CRADD: variants seen among roughly 807,000 people sequenced by gnomAD.
CRADD encodes the protein death domain-containing protein CRADD.
In CRADD, 9 loss-of-function variants were observed where a neutral mutation model predicts 15.5. That is an observed-to-expected ratio of 0.58 (90% CI 0.35 to 1.01). The LOEUF is 1.01. Among genes scored for constraint, CRADD ranks in the 50% least tolerant of loss-of-function variants. The pLI, the probability that CRADD is intolerant of heterozygous loss-of-function variation, is 0.02. For missense variants in CRADD, 227 were observed against 250.3 expected (o/e 0.91, Z 0.63); for synonymous variants, 118 against 107.6 (o/e 1.10, Z -0.60).
chr12:93,850,453 C>T lies in CRADD; in HGVS notation c.*182C>T. On this transcript the variant is annotated 3_prime_UTR_variant, in exon 3 of 3. Coordinates refer to ENST00000332896, the MANE Select transcript of CRADD (RefSeq NM_003805.5). This position sits in a 1 kb window ranked among gnomAD's most constrained non-coding sequence, Gnocchi z 4.0. ...TGAAAGGCCAGATTACTCAGCAGAT[C>T]TCCCATGTTGGCTCAACAATTCTTT... The T allele has an allele frequency of 7.4e-7, 1 of 1,346,010 alleles. No homozygotes were observed. The highest frequency in any genetic ancestry group is 9.5e-7 in the Non-Finnish European group (1 of 1,056,150). 83.4% of individuals were successfully genotyped at this position (1,346,010 alleles called of 1,614,324 possible).
chr12:93,800,526 A>C (rs1304918922), intron 2 of CRADD, among the ~76,000 whole-genome samples: 1 of 152,094 alleles, frequency 6.6e-6, no homozygotes, highest in Non-Finnish European at 1.5e-5. Context: ...TGTTCTTGTG[A>C]TAATGAGTGA....
intron 2 of CRADD, among the ~76,000 whole-genome samples, chr12:93,845,015 T>A (rs1379546144): frequency 6.6e-6 from 1 of 151,692 alleles, no homozygotes; most frequent in African/African-American, 2.4e-5. Context: ...CTTGGCAGAG[T>A]TAGGAAGGCA....
intron 2 of CRADD, among the ~76,000 whole-genome samples, chr12:93,725,865 C>T (rs549692540): frequency 1.3e-5 from 2 of 152,232 alleles, no homozygotes; most frequent in South Asian, 4.2e-4. Flanking sequence ...TCAAAACTCC[C>T]TGCCTGTAAT....
chr12:93,801,106 C>G (rs1221013832), intron 2 of CRADD, among the ~76,000 whole-genome samples: 1 of 152,168 alleles, frequency 6.6e-6, no homozygotes, highest in Non-Finnish European at 1.5e-5. Context: ...CATACCACAT[C>G]AGGAGGTACA....
intron 2 of CRADD, among the ~76,000 whole-genome samples, chr12:93,890,761 TTC>T (rs1265977058): frequency 2.2e-3 from 289 of 132,042 alleles, no homozygotes; most frequent in Non-Finnish European, 3.5e-3. Context: ...TTTTCTTTCT[TTC>T]TTTTTTTTTT....
At chr12:93,805,869 G>T (rs1213823830) in intron 2 of CRADD, among the ~76,000 whole-genome samples, 1 of 152,056 alleles carries the variant, frequency 6.6e-6, no homozygotes, top group Non-Finnish European at 1.5e-5. Flanking sequence ...ATCATAATGC[G>T]GCATAGAGCT....
chr12:93,816,684 C>T (rs531124444), intron 2 of CRADD, among the ~76,000 whole-genome samples: 4 of 152,264 alleles, frequency 2.6e-5, no homozygotes, highest in African/African-American at 7.2e-5. Context: ...TTGGGTAGTG[C>T]GGCTCTAGTG....
rs1348791548 is a variant in CRADD, at chr12:93,835,285, T to G, written c.299-14685T>G. Among the ~76,000 whole-genome samples, 2 of 152,234 alleles carry G rather than the reference T, an allele frequency of 1.3e-5. 1 individual carries two copies. The highest frequency in any genetic ancestry group is 2.9e-5 in the Non-Finnish European group (2 of 68,050). ...TTAGAATTTTGGAGGAATTGTTTCTTTATCTTTTGCATTTAAAATACTTTT... is the reference window on the plus strand; with the variant it reads ...TTAGAATTTTGGAGGAATTGTTTCTGTATCTTTTGCATTTAAAATACTTTT... On this transcript the variant is annotated intron_variant, in intron 2 of 2. Coordinates refer to ENST00000332896, the MANE Select transcript of CRADD (RefSeq NM_003805.5).
chr12:93,682,848 A>T (rs1196194024), intron 2 of CRADD, among the ~76,000 whole-genome samples: 1 of 152,122 alleles, frequency 6.6e-6, no homozygotes, highest in Non-Finnish European at 1.5e-5. Flanking sequence ...AAAGTTGTTA[A>T]TGGATCATTG....
At chr12:93,758,676 T>C (rs961266453) in intron 2 of CRADD, among the ~76,000 whole-genome samples, 4 of 152,120 alleles carry the variant, frequency 2.6e-5, no homozygotes, top group African/African-American at 7.2e-5. Flanking sequence ...TGTTATTCAA[T>C]TGGTAAGGCA....
At chr12:93,679,532 G>C (rs1037159315) in intron 2 of CRADD, among the ~76,000 whole-genome samples, 6 of 152,188 alleles carry the variant, frequency 3.9e-5, no homozygotes, top group Non-Finnish European at 5.9e-5. Context: ...GGACTGAAGG[G>C]ACATGACGTT....
intron 2 of CRADD, among the ~76,000 whole-genome samples, chr12:93,892,511 C>T (rs1958583142): frequency 6.6e-6 from 1 of 151,990 alleles, no homozygotes; most frequent in Non-Finnish European, 1.5e-5. Flanking sequence ...GTCTGCCTGC[C>T]TTTTCTGACC....
intron 2 of CRADD, among the ~76,000 whole-genome samples, chr12:93,689,595 C>T (rs968928746): frequency 6.6e-6 from 1 of 152,184 alleles, no homozygotes; most frequent in African/African-American, 2.4e-5. Context: ...TTAACTCCTT[C>T]TAAGAAGTGC....
intron 2 of CRADD, among the ~76,000 whole-genome samples, chr12:93,783,236 ATTAT>A (rs1186395812): frequency 8.3e-6 from 1 of 120,774 alleles, no homozygotes; most frequent in Non-Finnish European, 1.6e-5. Context: ...AGGTATTATT[ATTAT>A]TATTATTATT....
intron 2 of CRADD, among the ~76,000 whole-genome samples, chr12:93,865,219 C>T (rs931459039): frequency 1.3e-5 from 2 of 152,026 alleles, no homozygotes; most frequent in African/African-American, 4.8e-5. Flanking sequence ...AGGGTGATGC[C>T]CCATGTATCA....
chr12:93,830,905 C>T (rs1318579859), intron 2 of CRADD, among the ~76,000 whole-genome samples: 3 of 152,182 alleles, frequency 2.0e-5, no homozygotes, highest in East Asian at 1.9e-4. Flanking sequence ...ATTTCTGTAT[C>T]GTTAGCACCT....
chr12:93,814,834 A>G (rs1175267647), intron 2 of CRADD, among the ~76,000 whole-genome samples: 1 of 152,248 alleles, frequency 6.6e-6, no homozygotes, highest in Non-Finnish European at 1.5e-5. Flanking sequence ...TGTGAAACCT[A>G]TGTGATCATG....
chr12:93,720,326 A>C (rs1344548699), intron 2 of CRADD, among the ~76,000 whole-genome samples: 1 of 152,132 alleles, frequency 6.6e-6, no homozygotes, highest in Admixed American at 6.5e-5. Context: ...AATTTATTAG[A>C]GTGTGTTTTA....
chr12:93,891,916 T>C (rs1295397289), intron 2 of CRADD, among the ~76,000 whole-genome samples: 1 of 152,212 alleles, frequency 6.6e-6, no homozygotes, highest in Non-Finnish European at 1.5e-5. Flanking sequence ...CCCACTACTG[T>C]AATTACCAGT....
Sources: gnomAD v4.1 joint callset for allele counts (sites outside exome capture counted in the v4.1 genomes callset) on GRCh38, gnomAD v4.1.1 for gene constraint, Gnocchi (gnomAD v3.1) non-coding constraint, MANE v1.5 for transcripts, NCBI Gene and HGNC (gene_info 2026-07-23, HGNC 2026-07-21) for gene names.